SIPA1L3: variants seen among roughly 807,000 people sequenced by gnomAD.
SIPA1L3 encodes signal-induced proliferation-associated 1-like protein 3.
In SIPA1L3, 59 loss-of-function variants were observed where a neutral mutation model predicts 150.1. That is an observed-to-expected ratio of 0.39 (90% CI 0.32 to 0.49). The LOEUF is 0.49. Ranked by LOEUF, SIPA1L3 falls within the 20% of genes least tolerant of loss-of-function variation. The pLI is 0.86. For missense variants in SIPA1L3, 2,211 were observed against 2,489.5 expected (o/e 0.89, Z 2.38); for synonymous variants, 1,070 against 1,077.6 (o/e 0.99, Z 0.14).
chr19:37,955,179 G>A (rs760363520), intron 1 of SIPA1L3, among the ~76,000 whole-genome samples: 3 of 151,676 alleles, frequency 2.0e-5, no homozygotes, highest in Non-Finnish European at 4.4e-5. Flanking sequence ...ATCACCTGAG[G>A]TCGAGAGTTT....
intron 2 of SIPA1L3, among the ~76,000 whole-genome samples, chr19:38,071,256 TC>T (rs1969716306): frequency 3.5e-5 from 5 of 144,736 alleles, no homozygotes; most frequent in South Asian, 4.3e-4. Context: ...TATCTATCTA[TC>T]TATCTATCTG....
chr19:38,068,692 A>T (rs1015663221), intron 2 of SIPA1L3, among the ~76,000 whole-genome samples: 26 of 152,162 alleles, frequency 1.7e-4, no homozygotes, highest in African/African-American at 6.0e-4. Context: ...ACAAAAAAAA[A>T]TTTTTAAGTA....
intron 13 of SIPA1L3, among the ~76,000 whole-genome samples, chr19:38,158,872 C>T (rs1972010691): frequency 6.6e-6 from 1 of 152,284 alleles, no homozygotes; most frequent in African/African-American, 2.4e-5. Context: ...CTGATAGATA[C>T]CCAAGTGGAG....
intron 1 of SIPA1L3, among the ~76,000 whole-genome samples, chr19:37,911,408 T>C (rs1453611545): frequency 6.6e-6 from 1 of 152,132 alleles, no homozygotes; most frequent in African/African-American, 2.4e-5. Context: ...TAGATCTGGC[T>C]TATCCTTTTC....
intron 6 of SIPA1L3, among the ~76,000 whole-genome samples, chr19:38,104,367 G>A (rs1030528269): frequency 6.6e-6 from 1 of 152,184 alleles, no homozygotes; most frequent in African/African-American, 2.4e-5. Flanking sequence ...TAGAGTGAAG[G>A]TAATAATTGC....
intron 11 of SIPA1L3, among the ~76,000 whole-genome samples, chr19:38,142,023 T>A (rs1413251396): frequency 1.3e-5 from 2 of 152,168 alleles, no homozygotes; most frequent in African/African-American, 4.8e-5. Context: ...AAGGGACTGA[T>A]AAGCACAAAA....
At chr19:38,096,402 A>G (rs2145850341) in intron 4 of SIPA1L3, among the ~76,000 whole-genome samples, 1 of 152,226 alleles carries the variant, frequency 6.6e-6, no homozygotes, top group Non-Finnish European at 1.5e-5. Context: ...GGCATGAGCC[A>G]TCATGCCTGG....
rs1428860710 is a variant in SIPA1L3 at position 38,119,227 on chromosome 19, A to AT, written c.2292-73dup. ...CAAACAAACAAAAAACCCTATTCCT[A>AT]TTTTTTGATCGAATATTTTCTCTCT... On this transcript the variant is annotated intron_variant, in intron 8 of 21. Transcript: ENST00000222345. 2.9e-6 allele frequency: 4 copies of AT among 1,364,996 alleles called. No individual in the cohort carries two copies. In the East Asian group the frequency reaches 6.9e-5, roughly 24 times the overall value. The allele number at this position is 1,364,996 out of a possible 1,614,324, so 84.6% of individuals were successfully genotyped here.
intron 8 of SIPA1L3, among the ~76,000 whole-genome samples, chr19:38,112,204 C>T (rs1249383747): frequency 2.0e-5 from 3 of 151,034 alleles, no homozygotes; most frequent in Non-Finnish European, 2.9e-5. Flanking sequence ...CACACAGGCA[C>T]GCATAAACAC....
At chr19:38,067,253 AC>A (rs1969616614) in intron 2 of SIPA1L3, among the ~76,000 whole-genome samples, 1 of 151,892 alleles carries the variant, frequency 6.6e-6, no homozygotes. Context: ...CACAGTTCTA[AC>A]TTATTCTTTC....
chr19:37,910,274 A>G (rs770600122), intron 1 of SIPA1L3, among the ~76,000 whole-genome samples: 43 of 152,178 alleles, frequency 2.8e-4, no homozygotes, highest in Non-Finnish European at 4.7e-4. Flanking sequence ...AGCTATTAGA[A>G]TGAGAGGCTA....
chr19:38,142,629 T>A lies in SIPA1L3; in HGVS notation c.3452T>A (p.Val1151Asp), dbSNP rs763975753. 6.2e-7 allele frequency: 1 copy of A among 1,613,384 alleles called. No homozygotes were observed. The highest frequency in any genetic ancestry group is 2.2e-5 in the East Asian group (1 of 44,868). Residue 1151 changes from valine to aspartate, a missense_variant, in exon 12 of 22, where the codon GTC becomes GAC. Transcript: ENST00000222345. ...YTVSPAGADRVPPYRQPSGSF... is the reference protein window; with the variant it reads ...YTVSPAGADRDPPYRQPSGSF... The stretch of plus-strand genomic sequence containing the variant: ...GTATCACCAGCAGGGGCCGACAGAG[T>A]CCCTCCCTACCGACAGCCTTCTGGG...
intron 2 of SIPA1L3, among the ~76,000 whole-genome samples, chr19:38,057,544 G>T (rs1161444883): frequency 6.6e-6 from 1 of 151,584 alleles, no homozygotes; most frequent in Non-Finnish European, 1.5e-5. Context: ...TTGAGGTTGG[G>T]TTTTTTGCCT....
At chr19:38,160,362 G>A (rs571286097) in intron 13 of SIPA1L3, among the ~76,000 whole-genome samples, 1 of 150,676 alleles carries the variant, frequency 6.6e-6, no homozygotes, top group Non-Finnish European at 1.5e-5. Flanking sequence ...ATACTGACTA[G>A]GCTGGAGAGG....
chr19:38,079,531 GT>G (rs1258196083), intron 2 of SIPA1L3, among the ~76,000 whole-genome samples: 1 of 150,438 alleles, frequency 6.6e-6, no homozygotes, highest in East Asian at 2.0e-4. Flanking sequence ...ATTTGGGAAG[GT>G]TTTTGTGTTT....
chr19:37,979,109 C>T (rs1403107580), intron 1 of SIPA1L3, among the ~76,000 whole-genome samples: 3 of 152,062 alleles, frequency 2.0e-5, no homozygotes, highest in South Asian at 4.1e-4. Context: ...CAGCTGGGCT[C>T]AACATTAAGG....
intron 13 of SIPA1L3, among the ~76,000 whole-genome samples, chr19:38,159,460 C>G (rs1972025290): frequency 1.3e-5 from 2 of 152,224 alleles, no homozygotes; most frequent in South Asian, 4.1e-4. Context: ...TCCTAGGTGT[C>G]TCTCCTTCCA....
chr19:37,982,913 C>T (rs1408896517), intron 1 of SIPA1L3, among the ~76,000 whole-genome samples: 2 of 152,202 alleles, frequency 1.3e-5, no homozygotes, highest in East Asian at 3.9e-4. Flanking sequence ...ACCCACCTTA[C>T]AGGTTCCTGT....
chr19:38,051,851 C>A (rs957465064), intron 2 of SIPA1L3, among the ~76,000 whole-genome samples: 2 of 152,178 alleles, frequency 1.3e-5, no homozygotes, highest in Non-Finnish European at 2.9e-5. Flanking sequence ...CCCGTCTTGG[C>A]CTCCCAAAAT....
Sources: allele counts gnomAD v4.1 joint callset (sites outside exome capture counted in the v4.1 genomes callset), GRCh38; gene constraint gnomAD v4.1.1; transcripts MANE v1.5; gene names NCBI Gene and HGNC (gene_info 2026-07-23, HGNC 2026-07-21).